The following CSTF3 variants were observed in gnomAD, a reference collection of about 807,000 sequenced individuals.
CSTF3 encodes the protein CF-1 77 kDa subunit.
A neutral mutation model predicts 105.8 loss-of-function variants in CSTF3; 29 were observed. The ratio of observed to expected loss-of-function variants is 0.27; its 90% CI spans 0.20 to 0.37. The LOEUF is 0.37. CSTF3 is among the 10% of genes least tolerant of loss of function. The pLI is 1.00. For missense variants in CSTF3, 357 were observed against 879.3 expected (o/e 0.41, Z 7.51); for synonymous variants, 252 against 281.9 (o/e 0.89, Z 1.06).
chr11:33,112,127 A>C (rs945465121), intron 3 of CSTF3, among the ~76,000 whole-genome samples: 1 of 151,966 alleles, frequency 6.6e-6, no homozygotes, highest in Non-Finnish European at 1.5e-5. Flanking sequence ...GGTGGCGCAC[A>C]CTTGTAATTC....
chr11:33,109,174 A>G (rs1338800418), intron 3 of CSTF3, among the ~76,000 whole-genome samples: 1 of 152,232 alleles, frequency 6.6e-6, no homozygotes. Flanking sequence ...GACCAAGATT[A>G]AATACTATTA....
At chr11:33,144,150 G>A (rs1455673980) in intron 1 of CSTF3, among the ~76,000 whole-genome samples, 1 of 149,086 alleles carries the variant, frequency 6.7e-6, no homozygotes, top group Non-Finnish European at 1.5e-5. Flanking sequence ...AGTGGAATTA[G>A]TATTTCATGG....
At chr11:33,151,568 A>G (rs1315386422) in intron 1 of CSTF3, among the ~76,000 whole-genome samples, 1 of 152,168 alleles carries the variant, frequency 6.6e-6, no homozygotes, top group Non-Finnish European at 1.5e-5. Flanking sequence ...ATATTCCATT[A>G]TGTGCATATC....
intron 1 of CSTF3, among the ~76,000 whole-genome samples, chr11:33,151,266 C>G (rs1855855954): frequency 6.6e-6 from 1 of 152,138 alleles, no homozygotes; most frequent in African/African-American, 2.4e-5. Context: ...TCATGGCCCA[C>G]TGCAGCCTCA....
intron 3 of CSTF3, among the ~76,000 whole-genome samples, chr11:33,125,826 T>C (rs930000087): frequency 3.3e-5 from 5 of 152,186 alleles, no homozygotes; most frequent in African/African-American, 1.2e-4. Flanking sequence ...CAAAACAGTT[T>C]AGGCATTCTG....
At chr11:33,112,246 C>A (rs1312789371) in intron 3 of CSTF3, among the ~76,000 whole-genome samples, 1 of 150,168 alleles carries the variant, frequency 6.7e-6, no homozygotes, top group African/African-American at 2.5e-5. Flanking sequence ...AAGAGCGAAA[C>A]TCTGTGTGGA....
chr11:33,150,536 A>G (rs1170178412), intron 1 of CSTF3, among the ~76,000 whole-genome samples: 1 of 152,184 alleles, frequency 6.6e-6, no homozygotes, highest in Non-Finnish European at 1.5e-5. Flanking sequence ...TGTGAATAAC[A>G]CAACCATGTA....
intron 3 of CSTF3, among the ~76,000 whole-genome samples, chr11:33,123,932 A>G (rs1024116463): frequency 6.6e-6 from 1 of 151,996 alleles, no homozygotes; most frequent in Non-Finnish European, 1.5e-5. Context: ...ATATAAATAC[A>G]CATATATATG....
chr11:33,115,840 C>T (rs559117797), intron 3 of CSTF3, among the ~76,000 whole-genome samples: 119 of 152,114 alleles, frequency 7.8e-4, no homozygotes, highest in Admixed American at 3.5e-3. Flanking sequence ...TTTGGGAGGC[C>T]GAAGGGAGAG....
In CSTF3 at chr11:33,142,120, AGT is replaced by A. The variant is rs1855719088; in HGVS notation, c.28-136_28-135del. 2.1e-6 allele frequency: 3 copies of A among 1,439,414 alleles called. No homozygotes were observed. The African/African-American group carries it at 4.3e-5, about 21-fold the overall frequency. 89.2% of individuals were successfully genotyped at this position (1,439,414 alleles called of 1,614,324 possible). ...TAAAAATATCCTCTTATAAAAGAGA[AGT>A]GTGTTTCCTAGAACCGATGTGTACA... On this transcript the variant is annotated intron_variant, in intron 1 of 20. Transcript: ENST00000323959.
At chr11:33,110,232 C>T (rs1376285969) in intron 3 of CSTF3, among the ~76,000 whole-genome samples, 1 of 152,144 alleles carries the variant, frequency 6.6e-6, no homozygotes, top group Non-Finnish European at 1.5e-5. Context: ...CCTTCTCTAC[C>T]ATGACAGCTG....
In CSTF3 at chr11:33,085,996, G is replaced by GAAA; in HGVS notation, c.1796-10_1796-8dup. On this transcript the variant is annotated splice_region_variant and splice_polypyrimidine_tract_variant and intron_variant, in intron 18 of 20. Coordinates refer to ENST00000323959, the MANE Select transcript of CSTF3 (RefSeq NM_001326.3). ...ACAGGGTGTAAACCTGGAGCTGTGAGAAAAAGAAAAGTATGAATCAAGTGG... is the reference window on the plus strand; with the variant it reads ...ACAGGGTGTAAACCTGGAGCTGTGAGAAAAAAAAGAAAAGTATGAATCAAGTGG... 2 of 1,461,136 alleles carry GAAA rather than the reference G, an allele frequency of 1.4e-6. No individual in the cohort carries two copies. The highest frequency in any genetic ancestry group is 1.8e-6 in the Non-Finnish European group (2 of 1,104,630). The allele number at this position is 1,461,136 out of a possible 1,614,324, so 90.5% of individuals were successfully genotyped here.
intron 3 of CSTF3, among the ~76,000 whole-genome samples, chr11:33,120,358 A>G (rs542422128): frequency 1.3e-5 from 2 of 152,000 alleles, no homozygotes; most frequent in East Asian, 1.9e-4. Flanking sequence ...AGGTAGTGGG[A>G]ATATGGTTTT....
chr11:33,149,713 A>T (rs750288587), intron 1 of CSTF3, among the ~76,000 whole-genome samples: 2 of 151,994 alleles, frequency 1.3e-5, no homozygotes, highest in Non-Finnish European at 2.9e-5. Flanking sequence ...GTGAAACCCC[A>T]TCTCTACTAA....
chr11:33,125,838 T>A (rs566568919), intron 3 of CSTF3, among the ~76,000 whole-genome samples: 3 of 152,280 alleles, frequency 2.0e-5, no homozygotes, highest in Non-Finnish European at 2.9e-5. Flanking sequence ...GGCATTCTGC[T>A]TATCTCCTCG....
At chr11:33,120,637 T>C (rs544956245) in intron 3 of CSTF3, among the ~76,000 whole-genome samples, 9 of 151,870 alleles carry the variant, frequency 5.9e-5, no homozygotes, top group African/African-American at 2.2e-4. Context: ...AACAAGCGAG[T>C]CAACATAATT....
chr11:33,152,319 T>C (rs775520493), intron 1 of CSTF3, among the ~76,000 whole-genome samples: 3 of 152,140 alleles, frequency 2.0e-5, no homozygotes, highest in East Asian at 1.9e-4. Flanking sequence ...TTTAGAGGTA[T>C]AGTTTTGCTA....
Position 33,086,955 on chromosome 11 carries a change from C to T in CSTF3, c.1795+33G>A, listed in dbSNP as rs994110520. 6.2e-6 allele frequency: 10 copies of T among 1,613,112 alleles called. No individual in the cohort carries two copies. The Admixed American group carries it at 6.7e-5, about 11-fold the overall frequency. ...GGATTTAAATCAACAAACAAACCAA[C>T]GTCTCAGTACTGGATCTAAAGTCAT... is the stretch of plus-strand genomic sequence containing the variant. On this transcript the variant is annotated intron_variant, in intron 18 of 20. Transcript: ENST00000323959.
chr11:33,132,566 T>C (rs1411869640), intron 3 of CSTF3, among the ~76,000 whole-genome samples: 2 of 152,188 alleles, frequency 1.3e-5, no homozygotes, highest in Admixed American at 6.5e-5. Flanking sequence ...TGACTTGGAA[T>C]ACCTGTTATT....
Sources: allele counts gnomAD v4.1 joint callset (sites outside exome capture counted in the v4.1 genomes callset), GRCh38; gene constraint gnomAD v4.1.1; transcripts MANE v1.5; gene names NCBI Gene and HGNC (gene_info 2026-07-23, HGNC 2026-07-21).